Variants in ZNF613 observed in about 807,000 individuals in gnomAD.
ZNF613 encodes zinc finger protein 613.
Under a neutral mutation model 14.3 loss-of-function variants are expected in ZNF613, and 8 were observed. That is an observed-to-expected ratio of 0.56 (90% CI 0.33 to 1.01). The LOEUF is 1.01. Ranked by LOEUF, ZNF613 falls within the 50% of genes least tolerant of loss-of-function variation. The probability of loss-of-function intolerance (pLI) is 0.03; values close to 1 mark genes in which losing one functional copy is unlikely to be tolerated. For missense variants in ZNF613, 656 were observed against 741.9 expected, an observed-to-expected ratio of 0.88 and a Z score of 1.35; for synonymous variants, 228 against 254.5, an observed-to-expected ratio of 0.90 and a Z score of 0.99.
intron 1 of ZNF613, among the ~76,000 whole-genome samples, chr19:51,928,962 C>T (rs2085242340): frequency 6.6e-6 from 1 of 152,026 alleles, no homozygotes; most frequent in South Asian, 2.1e-4. Context: ...CTCAGGTTTA[C>T]TGTGTGAATG....
chr19:51,940,769 C>T, intron 5 of ZNF613, 60 bp downstream of exon 5: 2 of 1,436,492 alleles, frequency 1.4e-6, no homozygotes, highest in Non-Finnish European at 1.9e-6. Context: ...GATAGTTGTT[C>T]AGCAGTGTCT....
chr19:51,938,976 A>C (rs1051015682), intron 3 of ZNF613, among the ~76,000 whole-genome samples: 1 of 151,690 alleles, frequency 6.6e-6, no homozygotes, highest in East Asian at 1.9e-4. Context: ...GTATGTATGT[A>C]TATATATGTA....
chr19:51,940,125 A>C (rs1475486440), intron 3 of ZNF613, 84 bp from the exon 4 acceptor site: 4 of 1,552,192 alleles, frequency 2.6e-6, no homozygotes, highest in Non-Finnish European at 2.6e-6. Context: ...CTATTTGGTA[A>C]AAATGAGCAG....
In ZNF613 at chr19:51,945,459, T is replaced by C; in HGVS notation, c.1576T>C (p.Cys526Arg). 6.2e-7 allele frequency: 1 copy of C among 1,614,218 alleles called. No individual in the cohort carries two copies. The highest frequency in any genetic ancestry group is 1.1e-5 in the South Asian group (1 of 91,082). Residue 526 changes from cysteine to arginine, a missense_variant, in exon 6 of 6, where the codon TGC (cysteine) becomes CGC (arginine). Transcript: ENST00000293471. ...DCGKAFSHLS[C>R]LVYHKGMLHA... ...TGGGAAAGCTTTCTCCCACTTGTCA[T>C]GCCTTGTTTATCATAAGGGAATGCT...
chr19:51,929,540 G>A (rs1019714692), intron 1 of ZNF613, among the ~76,000 whole-genome samples, 192 bp from the exon 2 acceptor site: 2 of 152,092 alleles, frequency 1.3e-5, no homozygotes, highest in African/African-American at 4.8e-5. Context: ...TCACCTTACT[G>A]AACAAACTTC....
chr19:51,933,470 G>T (rs1026499064), intron 2 of ZNF613, among the ~76,000 whole-genome samples: 2 of 152,008 alleles, frequency 1.3e-5, no homozygotes, highest in African/African-American at 4.8e-5. Flanking sequence ...TTGAGACAGG[G>T]TCTCACTCTG....
chr19:51,940,547 C>T, intron 4 of ZNF613, 70 bp from the exon 5 acceptor site: 2 of 1,524,544 alleles, frequency 1.3e-6, no homozygotes, highest in Non-Finnish European at 1.8e-6. Context: ...TAAAACAGAA[C>T]ATGGTCCCAT....
intron 3 of ZNF613, among the ~76,000 whole-genome samples, chr19:51,939,853 A>G (rs2085333388): frequency 1.3e-5 from 2 of 151,972 alleles, no homozygotes; most frequent in African/African-American, 4.8e-5. Flanking sequence ...ATAAAGAAGT[A>G]TGCTTTATTC....
chr19:51,942,692 A>G (rs1004561102), intron 5 of ZNF613: 3 of 149,556 alleles, frequency 2.0e-5, no homozygotes, highest in Non-Finnish European at 4.4e-5. Context: ...GGACATTTTA[A>G]TGACTTGATT....
At chr19:51,943,597 T>G (rs2085367373) in intron 5 of ZNF613, among the ~76,000 whole-genome samples, 1 of 152,244 alleles carries the variant, frequency 6.6e-6, no homozygotes, top group Non-Finnish European at 1.5e-5. Context: ...TTCTATTTTA[T>G]TATTTGTTAT....
Position 51,944,891 on chromosome 19 carries a change from A to G in ZNF613, c.1008A>G (p.Arg336=). The G allele has an allele frequency of 6.2e-7, 1 of 1,613,794 alleles. No individual in the cohort carries two copies. Among genetic ancestry groups the G allele is most frequent in the South Asian group, 1.1e-5 (1 of 91,066 alleles). The change falls in exon 6 of 6, where the codon AGA becomes AGG. Residue 336 remains arginine, a synonymous_variant. Transcript: ENST00000293471. ...GGTCCAGGCTCACTGAACACCAGAG[A>G]ACTCATACAGGAGAGAAACCCTATG... ...SKRSRLTEHQ[R]THTGEKPYEC...
At chr19:51,932,657 C>T (rs1488364892) in intron 2 of ZNF613, among the ~76,000 whole-genome samples, 2 of 151,754 alleles carry the variant, frequency 1.3e-5, no homozygotes, top group African/African-American at 2.4e-5. Context: ...AATCATATAA[C>T]GTGACATTTA....
chr19:51,938,990 A>G (rs2085327077), intron 3 of ZNF613, among the ~76,000 whole-genome samples: 1 of 151,578 alleles, frequency 6.6e-6, no homozygotes, highest in African/African-American at 2.4e-5. Flanking sequence ...ATATGTATAT[A>G]TATTTACAGA....
chr19:51,940,159 C>G (rs1256227077), intron 3 of ZNF613, 50 bp from the exon 4 acceptor site: 2 of 1,600,518 alleles, frequency 1.2e-6, no homozygotes, highest in African/African-American at 2.7e-5. Flanking sequence ...ACATTTCTTC[C>G]ATATAAATGA....
intron 5 of ZNF613, among the ~76,000 whole-genome samples, chr19:51,941,381 T>A (rs939435586): frequency 6.6e-6 from 1 of 152,234 alleles, no homozygotes; most frequent in Non-Finnish European, 1.5e-5. Flanking sequence ...CCTCCTTCCA[T>A]GTCTGTCTCC....
intron 2 of ZNF613, among the ~76,000 whole-genome samples, chr19:51,933,927 T>C (rs1793520711): frequency 6.6e-6 from 1 of 152,164 alleles, no homozygotes; most frequent in South Asian, 2.1e-4. Context: ...GCCTCTTGAG[T>C]AGCTGGGACT....
At position 51,945,971 on chromosome 19, in the gene ZNF613, T is replaced by A. The variant is rs2085398522; in HGVS notation, c.*234T>A. 1 of 524,586 alleles carries A rather than the reference T, an allele frequency of 1.9e-6. No homozygotes were observed. The highest frequency in any genetic ancestry group is 1.9e-5 in the African/African-American group (1 of 52,154). 32.5% of individuals were successfully genotyped at this position (524,586 alleles called of 1,614,324 possible). ...ACCATAGATCACATCTTCAGTGAGC[T>A]TATAGTTGGTAGAAATATAATGATC... On this transcript the variant is annotated 3_prime_UTR_variant, in exon 6 of 6. Transcript: ENST00000293471.
intron 2 of ZNF613, among the ~76,000 whole-genome samples, chr19:51,935,017 G>T (rs528119402): frequency 6.6e-6 from 1 of 152,210 alleles, no homozygotes; most frequent in Admixed American, 6.5e-5. Context: ...AGTCAGTGCA[G>T]ACCCTGTGGG....
chr19:51,938,725 G>GATATATATATATATATATATAT (rs113608259), intron 3 of ZNF613, among the ~76,000 whole-genome samples: 25 of 118,866 alleles, frequency 2.1e-4, no homozygotes, highest in African/African-American at 5.2e-4. Flanking sequence ...AATGTACATG[G>GATATATATATATATATATATAT]ATATATATAT....
Sources: gnomAD v4.1 joint callset for allele counts (sites outside exome capture counted in the v4.1 genomes callset) on GRCh38, gnomAD v4.1.1 for gene constraint, MANE v1.5 for transcripts, NCBI Gene and HGNC (gene_info 2026-07-23, HGNC 2026-07-21) for gene names.